Variants in FHL1 observed in about 807,000 individuals in gnomAD.
FHL1 encodes the protein four and a half LIM domains protein 1.
FHL1 carries 1 observed loss-of-function variant against 20.3 expected under a neutral mutation model. That is an observed-to-expected ratio of 0.05 (90% confidence interval 0.02 to 0.23). FHL1 has a LOEUF of 0.23. Ranked by LOEUF, FHL1 falls within the 10% of genes least tolerant of loss-of-function variation. The pLI, the probability that FHL1 is intolerant of heterozygous loss-of-function variation, is 1.00. For missense variants in FHL1, 177 were observed against 234.0 expected (o/e 0.76, Z 1.59); for synonymous variants, 82 against 88.9 (o/e 0.92, Z 0.44).
chrX:136,205,861 A>G lies in FHL1; in HGVS notation c.23-546A>G, dbSNP rs1297977550. Among the ~76,000 whole-genome samples the G allele has an allele frequency of 2.7e-5, 3 of 111,365 alleles. No individual in the cohort carries two copies. In the East Asian group the frequency reaches 8.5e-4, roughly 32 times the overall value. On this transcript the variant is annotated intron_variant, in intron 1 of 5. Transcript: ENST00000370683. ...GCGGGCAGAGAGGCTTCTTGATGAC[A>G]ACGTGGTGGGCTTAGAGAAGCTGCT...
At chrX:136,150,502 T>C (rs925254394) in intron 1 of FHL1, among the ~76,000 whole-genome samples, 2 of 112,085 alleles carry the variant, frequency 1.8e-5, no homozygotes, top group African/African-American at 6.5e-5. Flanking sequence ...AACTTTTTTT[T>C]GTTAATTGAA....
intron 1 of FHL1, among the ~76,000 whole-genome samples, chrX:136,203,599 A>G (rs2073769542): frequency 1.8e-5 from 2 of 112,021 alleles, no homozygotes; most frequent in South Asian, 7.5e-4. Flanking sequence ...TGAGCTGTGG[A>G]TTATTTTATC....
At chrX:136,194,455 G>A (rs1200571910), upstream of FHL1, among the ~76,000 whole-genome samples, 1 of 110,389 alleles carries the variant, frequency 9.1e-6, no homozygotes, top group Non-Finnish European at 1.9e-5. Flanking sequence ...TAAATGATTC[G>A]CAGAGGGTCA....
intron 1 of FHL1, among the ~76,000 whole-genome samples, chrX:136,204,465 C>T (rs1370598077): frequency 8.9e-6 from 1 of 112,566 alleles, no homozygotes; most frequent in Admixed American, 9.4e-5. Context: ...GAGATAGGCC[C>T]TGTGTCCATT....
In FHL1 at chrX:136,209,848, CTTTT is replaced by C. The variant is rs2073959660; in HGVS notation, c.737-22_737-19del. 2.2e-5 allele frequency: 27 copies of C among 1,202,698 alleles called. No homozygotes were observed. Among genetic ancestry groups the C allele is most frequent in the Non-Finnish European group, 2.9e-5 (26 of 891,030 alleles). On this transcript the variant is annotated intron_variant, in intron 5 of 5. Transcript: ENST00000370683. ...TCAGCTGTTTCTCTTGTTTTCTTTT[CTTTT>C]CTTTTTTTTTCCCCCCAGGGTTTGG...
chrX:136,209,539 A>T, intron 5 of FHL1: 11 of 912,874 alleles, frequency 1.2e-5, no homozygotes, highest in Non-Finnish European at 1.7e-5. Flanking sequence ...TTATGCTGGG[A>T]GGTCGGTGCG....
intron 2 of FHL1, among the ~76,000 whole-genome samples, chrX:136,190,932 T>C (rs1030193209): frequency 3.6e-5 from 4 of 111,371 alleles, no homozygotes; most frequent in Non-Finnish European, 7.5e-5. Context: ...AACTCTATCA[T>C]GCCATTTTTA....
intron 3 of FHL1, 134 bp from the exon 4 acceptor site, chrX:136,207,658 T>G (rs2073879289): frequency 1.5e-6 from 1 of 647,009 alleles, no homozygotes; most frequent in African/African-American, 2.2e-5. Flanking sequence ...ACAGGTAGGT[T>G]AGTTGGAGGT....
chrX:136,159,431 A>G (rs1295109374), intron 1 of FHL1, among the ~76,000 whole-genome samples: 1 of 111,705 alleles, frequency 9.0e-6, no homozygotes, highest in Non-Finnish European at 1.9e-5. Flanking sequence ...ATTCCCAGCT[A>G]TTCGGGTGGT....
intron 1 of FHL1, among the ~76,000 whole-genome samples, chrX:136,199,695 C>T (rs1302654352): frequency 8.9e-6 from 1 of 112,460 alleles, no homozygotes; most frequent in Non-Finnish European, 1.9e-5. Flanking sequence ...TAGTGAAGAA[C>T]AGATCTGAAA....
intron 2 of FHL1, among the ~76,000 whole-genome samples, chrX:136,189,080 A>G (rs1355550581): frequency 8.9e-6 from 1 of 111,815 alleles, no homozygotes; most frequent in Non-Finnish European, 1.9e-5. Flanking sequence ...CTGATGAATT[A>G]GTGCTTATAA....
chrX:136,147,535 T>TCCGCAG (rs1556630626), exon 1 of FHL1: 2 of 108,932 alleles, frequency 1.8e-5, no homozygotes, highest in African/African-American at 6.7e-5. Context: ...GGGGGCTCAG[T>TCCGCAG]CCGCAGCCGC....
In FHL1 at chrX:136,157,845, GTAAA is replaced by G. The variant is rs201824148; in HGVS notation, c.-101+10220_-101+10223del. On this transcript the variant is annotated intron_variant, in intron 1 of 7. Coordinates refer to the FHL1 transcript ENST00000394155. ...TCATCCTCTGCAAGTAAGCTACTTA[GTAAA>G]TAGTTTCATTATGTACTTGAATTGA... Among the ~76,000 whole-genome samples, 499 of 111,949 alleles carry G rather than the reference GTAAA, an allele frequency of 4.5e-3. 1 individual carries two copies. The highest frequency in any genetic ancestry group is 0.015 in the African/African-American group (474 of 30,811).
chrX:136,203,927 G>C (rs1056832221), intron 1 of FHL1, among the ~76,000 whole-genome samples: 2 of 112,145 alleles, frequency 1.8e-5, no homozygotes, highest in Non-Finnish European at 1.9e-5. Flanking sequence ...ACTTTATATA[G>C]TACTTTAACT....
At position 136,211,117 on chromosome X, in the gene FHL1, C is replaced by A. The variant is rs1263091087; in HGVS notation, c.*1092C>A. The A allele has an allele frequency of 2.1e-5, 8 of 373,641 alleles. No homozygotes were observed. Among genetic ancestry groups the A allele is most frequent in the South Asian group, 2.1e-4 (8 of 38,700 alleles). The allele number at this position is 373,641 out of a possible 1,213,427, so 30.8% of individuals were successfully genotyped here. On this transcript the variant is annotated 3_prime_UTR_variant, in exon 6 of 6. Coordinates refer to ENST00000370683, the MANE Select transcript of FHL1 (RefSeq NM_001159699.2). Reference sequence around the variant, plus strand: ...CTAGGACTTTTCCTCAAGAGGAAATCTGGATTTCCACCTACCGCTTACCTG... The same window carrying A: ...CTAGGACTTTTCCTCAAGAGGAAATATGGATTTCCACCTACCGCTTACCTG...
At chrX:136,181,464 T>C (rs1480437027) in intron 2 of FHL1, among the ~76,000 whole-genome samples, 1 of 111,955 alleles carries the variant, frequency 8.9e-6, no homozygotes, top group East Asian at 2.8e-4. Flanking sequence ...CCCAAACTGC[T>C]CAACCTGGTC....
At chrX:136,192,676 T>C (rs752044378), upstream of FHL1, among the ~76,000 whole-genome samples, 64 of 112,194 alleles carry the variant, frequency 5.7e-4, no homozygotes, top group African/African-American at 1.8e-3. Context: ...ATTAGGACCT[T>C]ACATGACCAA....
In FHL1 at chrX:136,206,549, C is replaced by T. The variant is rs770499208; in HGVS notation, c.165C>T (p.Thr55=). 6.6e-6 allele frequency: 8 copies of T among 1,212,632 alleles called. No individual in the cohort carries two copies. The highest frequency in any genetic ancestry group is 8.9e-6 in the Non-Finnish European group (8 of 895,704). The part of the protein sequence containing the change: ...LKCFDKFCAN[T]CVECRKPIGA... ...GCTTTGACAAGTTCTGTGCCAACAC[C>T]TGTGTGGAATGCCGCAAGCCCATCG... Residue 55 remains threonine, a synonymous_variant, in exon 2 of 6, where the codon ACC becomes ACT. Coordinates refer to ENST00000370683, the MANE Select transcript of FHL1 (RefSeq NM_001159699.2).
intron 2 of FHL1, among the ~76,000 whole-genome samples, chrX:136,185,391 C>T (rs1321508089): frequency 8.9e-6 from 1 of 112,077 alleles, no homozygotes; most frequent in Non-Finnish European, 1.9e-5. Context: ...GCTGGGGATC[C>T]CTGTTTTAAC....
Sources: allele counts gnomAD v4.1 joint callset (sites outside exome capture counted in the v4.1 genomes callset), GRCh38; gene constraint gnomAD v4.1.1; transcripts MANE v1.5; gene names NCBI Gene and HGNC (gene_info 2026-07-23, HGNC 2026-07-21).